WNT1: variants seen among roughly 807,000 people sequenced by gnomAD.
The protein encoded by WNT1 is proto-oncogene Wnt-1.
WNT1 carries 10 observed loss-of-function variants against 21.3 expected under a neutral mutation model. The observed-to-expected ratio is 0.47, with a 90% CI of 0.29 to 0.80. The LOEUF (loss-of-function observed/expected upper bound fraction) is 0.80, where lower values mean the gene tolerates loss of function less well. WNT1 is among the 30% of genes least tolerant of loss of function. The pLI is 0.09. For missense variants in WNT1, 476 were observed against 534.1 expected, an observed-to-expected ratio of 0.89 and a Z score of 1.07; for synonymous variants, 208 against 236.3, an observed-to-expected ratio of 0.88 and a Z score of 1.10.
At position 48,982,433 on chromosome 12, in the gene WNT1, A is replaced by G. The variant is rs75357001; in HGVS notation, c.*793A>G. Among the ~76,000 whole-genome samples, 3,748 of 152,084 alleles carry G rather than the reference A, an allele frequency of 0.025. 144 individuals carry two copies. The highest frequency in any genetic ancestry group is 0.083 in the African/African-American group (3,427 of 41,468). ...GCAAAGACCACCTCCAACCCAACCCAATCCCTCTCCACTCTTCTCTCCTTT... is the reference window on the plus strand; with the variant it reads ...GCAAAGACCACCTCCAACCCAACCCGATCCCTCTCCACTCTTCTCTCCTTT... On this transcript the variant is annotated 3_prime_UTR_variant, in exon 4 of 4. Transcript: ENST00000293549.
Position 48,981,557 on chromosome 12 carries a change from C to A in WNT1, c.1030C>A (p.Arg344Ser), listed in dbSNP as rs1450744081. ...HRTRTQRVTE[R>S]CNCTFHWCCH... ...CACGCGCACGCAGCGCGTCACCGAG[C>A]GCTGCAACTGCACCTTCCACTGGTG... The change falls in exon 4 of 4, where the codon CGC becomes AGC. Residue 344 changes from arginine (R) to serine (S), a missense_variant. Physicochemically the swap from Arg to Ser is moderately radical, Grantham distance 110. Transcript: ENST00000293549. This position sits in a 1 kb window ranked among gnomAD's most constrained non-coding sequence, Gnocchi z 7.4. 2 of 1,533,592 alleles carry A rather than the reference C, an allele frequency of 1.3e-6. No individual in the cohort carries two copies. Among genetic ancestry groups the A allele is most frequent in the Admixed American group, 4.0e-5 (2 of 49,758 alleles). The allele number at this position is 1,533,592 out of a possible 1,614,324, so 95.0% of individuals were successfully genotyped here.
chr12:48,981,100 G>T lies in WNT1; in HGVS notation c.625-52G>T. On this transcript the variant is annotated intron_variant, in intron 3 of 3. Transcript: ENST00000293549. This position sits in a 1 kb window ranked among gnomAD's most constrained non-coding sequence, Gnocchi z 7.4. ...TCCGGGAGAGGGCAGTGTCTGGGAG[G>T]GTGACTCTGGCCCGGTGCCCTGGGA... is the stretch of plus-strand genomic sequence containing the variant. The T allele has an allele frequency of 6.3e-7, 1 of 1,594,706 alleles. No individual in the cohort carries two copies. Among genetic ancestry groups the T allele is most frequent in the Non-Finnish European group, 8.5e-7 (1 of 1,170,878 alleles).
rs1011942272 is a variant in WNT1 at position 48,981,703 on chromosome 12, A to G, written c.*63A>G. 1.1e-5 allele frequency: 16 copies of G among 1,410,818 alleles called. No individual in the cohort carries two copies. Among genetic ancestry groups the G allele is most frequent in the Non-Finnish European group, 1.4e-5 (15 of 1,088,656 alleles). The allele number at this position is 1,410,818 out of a possible 1,614,324, so 87.4% of individuals were successfully genotyped here. On this transcript the variant is annotated 3_prime_UTR_variant, in exon 4 of 4. Coordinates refer to ENST00000293549, the MANE Select transcript of WNT1 (RefSeq NM_005430.4). The surrounding 1 kb of genome is among the most constrained non-coding windows in gnomAD (Gnocchi z 7.4). ...GAGCCCTCCCCCAAACAGACTCGCT[A>G]GCACTCAAGACCCGGTTATTCGCCC...
Position 48,980,569 on chromosome 12 carries a change from G to T in WNT1, c.504G>T (p.Gly168=). The stretch of plus-strand genomic sequence containing the variant: ...CCGGGGGCCCCGACTGGCACTGGGG[G>T]GGCTGCAGCGACAACATTGACTTCG... ...RGPGGPDWHW[G]GCSDNIDFGR... Residue 168 remains glycine, a synonymous_variant, in exon 3 of 4, where the codon GGG becomes GGT. Coordinates refer to ENST00000293549, the MANE Select transcript of WNT1 (RefSeq NM_005430.4). The surrounding 1 kb of genome is among the most constrained non-coding windows in gnomAD (Gnocchi z 7.0). 1 of 1,609,756 alleles carries T rather than the reference G, an allele frequency of 6.2e-7. No individual in the cohort carries two copies. The highest frequency in any genetic ancestry group is 1.3e-5 in the African/African-American group (1 of 74,954).
rs562515724 is a variant in WNT1, at chr12:48,978,953, C to T, written c.104+199C>T. Among the ~76,000 whole-genome samples the T allele has an allele frequency of 1.3e-5, 2 of 152,366 alleles. No individual in the cohort carries two copies. Among genetic ancestry groups the T allele is most frequent in the African/African-American group, 2.4e-5 (1 of 41,584 alleles). ...GTACAAGTGGGGCGAATGATCCGCC[C>T]GCGGAGGCCTAAGATACCCCAGGCA... On this transcript the variant is annotated intron_variant, in intron 1 of 3. Coordinates refer to ENST00000293549, the MANE Select transcript of WNT1 (RefSeq NM_005430.4). This position sits in a 1 kb window ranked among gnomAD's most constrained non-coding sequence, Gnocchi z 7.4.
In WNT1 at chr12:48,981,273, G is replaced by A. The variant is rs1413791425; in HGVS notation, c.746G>A (p.Arg249His). ...GCCGTGGGCGATGTGCTGCGCGACC[G>A]CTTCGACGGCGCCTCGCGCGTCCTG... is the stretch of plus-strand genomic sequence containing the variant. Reference protein sequence around the residue: ...LRAVGDVLRDRFDGASRVLYG... With the variant: ...LRAVGDVLRDHFDGASRVLYG... The change falls in exon 4 of 4, where the codon CGC becomes CAC. Residue 249 changes from arginine (R) to histidine (H), a missense_variant. Transcript: ENST00000293549. This position sits in a 1 kb window ranked among gnomAD's most constrained non-coding sequence, Gnocchi z 7.4. 2 of 1,602,426 alleles carry A rather than the reference G, an allele frequency of 1.2e-6. No individual in the cohort carries two copies. The highest frequency in any genetic ancestry group is 1.7e-6 in the Non-Finnish European group (2 of 1,174,960).
In WNT1 at chr12:48,979,810, C is replaced by T. The variant is rs912455992; in HGVS notation, c.358+89C>T. ...GGGCGGGCGAGTTCAGAGAAGGTGT[C>T]CCAGGCGCCTGGAGGGTCACACAAT... On this transcript the variant is annotated intron_variant, in intron 2 of 3. Coordinates refer to ENST00000293549, the MANE Select transcript of WNT1 (RefSeq NM_005430.4). This position sits in a 1 kb window ranked among gnomAD's most constrained non-coding sequence, Gnocchi z 6.0. 6.9e-7 allele frequency: 1 copy of T among 1,446,284 alleles called. No homozygotes were observed. The highest frequency in any genetic ancestry group is 2.5e-5 in the East Asian group (1 of 40,554). 89.6% of individuals were successfully genotyped at this position (1,446,284 alleles called of 1,614,324 possible). A position where few individuals can be genotyped will look rare whatever the true frequency, so the allele number is the denominator to read the frequency against.
In WNT1 at chr12:48,980,993, A is replaced by G. The variant is rs1941005087; in HGVS notation, c.625-159A>G. On this transcript the variant is annotated intron_variant, in intron 3 of 3. Coordinates refer to ENST00000293549, the MANE Select transcript of WNT1 (RefSeq NM_005430.4). This position sits in a 1 kb window ranked among gnomAD's most constrained non-coding sequence, Gnocchi z 7.0. ...GGAGCAGGGTTGGGCAGGGTTTCCA[A>G]ATCTCAGCGGAACATTTCGCGCCTC... Among the ~76,000 whole-genome samples the G allele has an allele frequency of 6.6e-6, 1 of 152,092 alleles. No homozygotes were observed. Among genetic ancestry groups the G allele is most frequent in the Non-Finnish European group, 1.5e-5 (1 of 67,980 alleles).
Position 48,981,320 on chromosome 12 carries a change from C to A in WNT1, c.793C>A (p.Arg265Ser), listed in dbSNP as rs546009490. 7.9e-5 allele frequency: 124 copies of A among 1,570,404 alleles called. No individual in the cohort carries two copies. The Admixed American group carries it at 9.3e-4, about 12-fold the overall frequency. Reference protein sequence around the residue: ...RVLYGNRGSNRASRAELLRLE... With the variant: ...RVLYGNRGSNSASRAELLRLE... ...CCTGTACGGCAACCGCGGCAGCAAC[C>A]GCGCTTCGCGGGCGGAGCTGCTGCG... The change falls in exon 4 of 4, where the codon CGC (arginine) becomes AGC (serine). Residue 265 changes from arginine to serine, a missense_variant. By Grantham distance (110) the Arg-to-Ser change is moderately radical (BLOSUM62 -1). Coordinates refer to ENST00000293549, the MANE Select transcript of WNT1 (RefSeq NM_005430.4). The surrounding 1 kb of genome is among the most constrained non-coding windows in gnomAD (Gnocchi z 7.4).
At position 48,981,383 on chromosome 12, in the gene WNT1, C is replaced by T. The variant is rs771506883; in HGVS notation, c.856C>T (p.Pro286Ser). 4 of 1,577,388 alleles carry T rather than the reference C, an allele frequency of 2.5e-6. No homozygotes were observed. Among genetic ancestry groups the T allele is most frequent in the Non-Finnish European group, 3.4e-6 (4 of 1,161,264 alleles). The change falls in exon 4 of 4, where the codon CCC (proline) becomes TCC (serine). Residue 286 changes from proline (P) to serine (S), a missense_variant. Coordinates refer to ENST00000293549, the MANE Select transcript of WNT1 (RefSeq NM_005430.4). The surrounding 1 kb of genome is among the most constrained non-coding windows in gnomAD (Gnocchi z 7.4). The stretch of plus-strand genomic sequence containing the variant: ...AGACCCGGCCCACAAACCGCCCTCC[C>T]CCCACGACCTCGTCTACTTCGAGAA... ...PEDPAHKPPS[P>S]HDLVYFEKSP...
chr12:48,979,531 A>C lies in WNT1; in HGVS notation c.168A>C (p.Val56=). ...CAGACTCCAAGAGTCTGCAACTGGT[A>C]CTCGAGCCCAGTCTGCAGCTGTTGA... is the stretch of plus-strand genomic sequence containing the variant. ...LLTDSKSLQL[V]LEPSLQLLSR... Residue 56 remains valine, a synonymous_variant, in exon 2 of 4, where the codon GTA becomes GTC. Coordinates refer to ENST00000293549, the MANE Select transcript of WNT1 (RefSeq NM_005430.4). This position sits in a 1 kb window ranked among gnomAD's most constrained non-coding sequence, Gnocchi z 6.0. The C allele has an allele frequency of 6.2e-7, 1 of 1,614,032 alleles. No homozygotes were observed. The highest frequency in any genetic ancestry group is 8.5e-7 in the Non-Finnish European group (1 of 1,180,028).
Position 48,980,479 on chromosome 12 carries a change from G to T in WNT1, c.414G>T (p.Ser138=), listed in dbSNP as rs750867908. 99 of 1,614,096 alleles carry T rather than the reference G, an allele frequency of 6.1e-5. 2 individuals are homozygous for T. In the South Asian group the frequency reaches 1.1e-3, roughly 18 times the overall value. ...TCACCTCCGCCGGGGTCACCCATTC[G>T]GTGGCGCGCTCCTGCTCAGAAGGTT... ...FAITSAGVTH[S]VARSCSEGSI... Residue 138 remains serine, a synonymous_variant, in exon 3 of 4, where the codon TCG becomes TCT. Transcript: ENST00000293549. This position sits in a 1 kb window ranked among gnomAD's most constrained non-coding sequence, Gnocchi z 7.0.
chr12:48,981,557 C>G lies in WNT1; in HGVS notation c.1030C>G (p.Arg344Gly). Residue 344 changes from arginine (R) to glycine (G), a missense_variant, in exon 4 of 4, where the codon CGC becomes GGC. Physicochemically the swap from Arg to Gly is moderately radical, Grantham distance 125. Coordinates refer to ENST00000293549, the MANE Select transcript of WNT1 (RefSeq NM_005430.4). This position sits in a 1 kb window ranked among gnomAD's most constrained non-coding sequence, Gnocchi z 7.4. ...CACGCGCACGCAGCGCGTCACCGAG[C>G]GCTGCAACTGCACCTTCCACTGGTG... ...HRTRTQRVTERCNCTFHWCCH... is the reference protein window; with the variant it reads ...HRTRTQRVTEGCNCTFHWCCH... 6.5e-7 allele frequency: 1 copy of G among 1,533,710 alleles called. No homozygotes were observed.
Position 48,980,609 on chromosome 12 carries a change from CG to C in WNT1, c.547del (p.Glu183SerfsTer16). The C allele has an allele frequency of 6.2e-7, 1 of 1,604,316 alleles. No individual in the cohort carries two copies. Among genetic ancestry groups the C allele is most frequent in the South Asian group, 1.1e-5 (1 of 90,120 alleles). On this transcript the variant is annotated frameshift_variant, in exon 3 of 4. Transcript: ENST00000293549. LOFTEE classifies it high-confidence loss of function. This position sits in a 1 kb window ranked among gnomAD's most constrained non-coding sequence, Gnocchi z 7.0. ...DNIDFGRLFG[R>X]EFVDSGEKGR... ...CATTGACTTCGGCCGCCTCTTCGGC[CG>C]GGAGTTCGTGGACTCCGGGGAGAAG...
chr12:48,981,293 G>C lies in WNT1; in HGVS notation c.766G>C (p.Val256Leu), dbSNP rs1219112896. 2 of 1,591,716 alleles carry C rather than the reference G, an allele frequency of 1.3e-6. No individual in the cohort carries two copies. The highest frequency in any genetic ancestry group is 2.2e-5 in the South Asian group (2 of 89,206). ...CGACCGCTTCGACGGCGCCTCGCGC[G>C]TCCTGTACGGCAACCGCGGCAGCAA... The part of the protein sequence containing the change: ...LRDRFDGASR[V>L]LYGNRGSNRA... The change falls in exon 4 of 4, where the codon GTC becomes CTC. Residue 256 changes from valine (V) to leucine (L), a missense_variant. Val to Leu is a conservative substitution (Grantham distance 32). Coordinates refer to ENST00000293549, the MANE Select transcript of WNT1 (RefSeq NM_005430.4). This position sits in a 1 kb window ranked among gnomAD's most constrained non-coding sequence, Gnocchi z 7.4.
Position 48,979,984 on chromosome 12 carries a change from C to T in WNT1, c.358+263C>T, listed in dbSNP as rs1260693574. ...GTTTCGGGTCGCGGACGCCGGCTGACCGCCGCTTTCCCCCAGCCTCTCTCA... is the reference window on the plus strand; with the variant it reads ...GTTTCGGGTCGCGGACGCCGGCTGATCGCCGCTTTCCCCCAGCCTCTCTCA... On this transcript the variant is annotated intron_variant, in intron 2 of 3. Transcript: ENST00000293549. This position sits in a 1 kb window ranked among gnomAD's most constrained non-coding sequence, Gnocchi z 6.0. Among the ~76,000 whole-genome samples the T allele has an allele frequency of 6.6e-6, 1 of 152,256 alleles. No individual in the cohort carries two copies. Among genetic ancestry groups the T allele is most frequent in the East Asian group, 1.9e-4 (1 of 5,202 alleles).
Position 48,979,361 on chromosome 12 carries a change from C to T in WNT1, c.105-107C>T. On this transcript the variant is annotated intron_variant, in intron 1 of 3. Transcript: ENST00000293549. The surrounding 1 kb of genome is among the most constrained non-coding windows in gnomAD (Gnocchi z 6.0). ...GAGAGCGGGTATTATTAATCTCCCGCCATTCTCTCCAGCCACATACCCCCA... is the reference window on the plus strand; with the variant it reads ...GAGAGCGGGTATTATTAATCTCCCGTCATTCTCTCCAGCCACATACCCCCA... The T allele has an allele frequency of 7.2e-7, 1 of 1,386,562 alleles. No individual in the cohort carries two copies. The highest frequency in any genetic ancestry group is 9.7e-7 in the Non-Finnish European group (1 of 1,030,970). The allele number at this position is 1,386,562 out of a possible 1,614,324, so 85.9% of individuals were successfully genotyped here.
In WNT1 at chr12:48,978,686, T is replaced by G; in HGVS notation, c.36T>G (p.Ser12=). The change falls in exon 1 of 4, where the codon TCT becomes TCG. Residue 12 remains serine, a synonymous_variant. Transcript: ENST00000293549. This position sits in a 1 kb window ranked among gnomAD's most constrained non-coding sequence, Gnocchi z 7.4. Reference sequence around the variant, plus strand: ...GGGCGCTGTTGCCTGGCTGGGTTTCTGCTACGCTGCTGCTGGCGCTGGCCG... The same window carrying G: ...GGGCGCTGTTGCCTGGCTGGGTTTCGGCTACGCTGCTGCTGGCGCTGGCCG... ...GLWALLPGWV[S]ATLLLALAAL... is the part of the protein sequence containing the mutation. 6 of 1,603,664 alleles carry G rather than the reference T, an allele frequency of 3.7e-6. No individual in the cohort carries two copies. The highest frequency in any genetic ancestry group is 5.1e-6 in the Non-Finnish European group (6 of 1,178,612).
Position 48,981,623 on chromosome 12 carries a change from C to T in WNT1, c.1096C>T (p.Leu366=), listed in dbSNP as rs1161699736. The T allele has an allele frequency of 1.4e-6, 2 of 1,469,424 alleles. No homozygotes were observed. The highest frequency in any genetic ancestry group is 1.8e-6 in the Non-Finnish European group (2 of 1,113,166). 91.0% of individuals were successfully genotyped at this position (1,469,424 alleles called of 1,614,324 possible). Residue 366 remains leucine, a synonymous_variant, in exon 4 of 4, where the codon CTG becomes TTG. Transcript: ENST00000293549. This position sits in a 1 kb window ranked among gnomAD's most constrained non-coding sequence, Gnocchi z 7.4. ...SCRNCTHTRV[L]HECL Reference sequence around the variant, plus strand: ...CCGCAACTGCACGCACACGCGCGTACTGCACGAGTGTCTGTGAGGCGCTGC... The same window carrying T: ...CCGCAACTGCACGCACACGCGCGTATTGCACGAGTGTCTGTGAGGCGCTGC...
Sources: gnomAD v4.1 joint callset for allele counts (sites outside exome capture counted in the v4.1 genomes callset) on GRCh38, gnomAD v4.1.1 for gene constraint, Gnocchi (gnomAD v3.1) non-coding constraint, MANE v1.5 for transcripts, NCBI Gene and HGNC (gene_info 2026-07-23, HGNC 2026-07-21) for gene names.